Variants in LIPC observed in about 807,000 individuals in gnomAD.
LIPC encodes lipase C, hepatic type.
A neutral mutation model predicts 50.7 loss-of-function variants in LIPC; 44 were observed. That is an observed-to-expected ratio of 0.87 (90% CI 0.68 to 1.11). LIPC has a LOEUF of 1.11. LIPC is among the 50% of genes most tolerant of loss of function. The probability of loss-of-function intolerance (pLI) is 0.00; values close to 1 mark genes in which losing one functional copy is unlikely to be tolerated. For synonymous variants in LIPC, 271 were observed against 256.4 expected, an observed-to-expected ratio of 1.06 and a Z score of -0.54; for missense variants, 697 against 648.2, an observed-to-expected ratio of 1.08 and a Z score of -0.82.
intron 1 of LIPC, among the ~76,000 whole-genome samples, chr15:58,479,152 T>C (rs1891102120): frequency 6.6e-6 from 1 of 152,246 alleles, no homozygotes. Flanking sequence ...TAAGATGCAA[T>C]GTAGTTCTTC....
chr15:58,490,891 G>A (rs972991678), intron 1 of LIPC, among the ~76,000 whole-genome samples: 3 of 152,204 alleles, frequency 2.0e-5, no homozygotes, highest in Admixed American at 2.0e-4. Flanking sequence ...AGCCTGAGAA[G>A]TGTGGAGGAT....
chr15:58,552,743 T>A (rs1893810469), intron 6 of LIPC, among the ~76,000 whole-genome samples: 1 of 152,094 alleles, frequency 6.6e-6, no homozygotes, highest in African/African-American at 2.4e-5. Context: ...TCAGGGAGAG[T>A]TCCAGAAGAA....
intron 1 of LIPC, among the ~76,000 whole-genome samples, chr15:58,471,125 T>C (rs1156408626): frequency 6.6e-6 from 1 of 150,380 alleles, no homozygotes; most frequent in Non-Finnish European, 1.5e-5. Flanking sequence ...GATTTTTTTT[T>C]TCTTTTCTCT....
At chr15:58,552,056 G>A (rs1464939429) in intron 6 of LIPC, among the ~76,000 whole-genome samples, 1 of 152,178 alleles carries the variant, frequency 6.6e-6, no homozygotes, top group Non-Finnish European at 1.5e-5. Flanking sequence ...CAGTTTGGGA[G>A]CCTGTTTTTA....
chr15:58,535,351 T>A (rs75777567), intron 1 of LIPC, among the ~76,000 whole-genome samples: 18 of 152,328 alleles, frequency 1.2e-4, no homozygotes, highest in South Asian at 4.1e-4. Context: ...AGTGAATAAA[T>A]GAATGAGCAC....
In LIPC at chr15:58,432,099, C is replaced by T. The variant is rs145398861; in HGVS notation, c.67C>T (p.Leu23Phe). The T allele has an allele frequency of 1.1e-4, 180 of 1,613,624 alleles. 1 individual carries two copies. In the African/African-American group the frequency reaches 1.8e-3, roughly 16 times the overall value. The change falls in exon 1 of 9, where the codon CTT (leucine) becomes TTT (phenylalanine). Residue 23 changes from leucine (L) to phenylalanine (F), a missense_variant. Coordinates refer to ENST00000299022, the MANE Select transcript of LIPC (RefSeq NM_000236.3). ...ATGCATCTTTATCCAATCAAGTGCCCTTGGACAAAGCCTGAAACCAGGTAA... is the reference window on the plus strand; with the variant it reads ...ATGCATCTTTATCCAATCAAGTGCCTTTGGACAAAGCCTGAAACCAGGTAA... ...VLCIFIQSSA[L>F]GQSLKPEPFG...
intron 1 of LIPC, among the ~76,000 whole-genome samples, chr15:58,457,597 C>A (rs577064503): frequency 2.6e-5 from 4 of 152,340 alleles, no homozygotes; most frequent in South Asian, 2.1e-4. Context: ...CTGAATGGGA[C>A]CTTCAGATGC....
At chr15:58,523,828 G>A (rs1892724779) in intron 1 of LIPC, among the ~76,000 whole-genome samples, 1 of 152,096 alleles carries the variant, frequency 6.6e-6, no homozygotes, top group African/African-American at 2.4e-5. Flanking sequence ...CCAGCTACTT[G>A]AGAAGCTGAG....
rs192256770 is a variant in LIPC, at chr15:58,482,562, T to C, written c.88+50442T>C. Among the ~76,000 whole-genome samples, 81 of 152,250 alleles carry C rather than the reference T, an allele frequency of 5.3e-4. 1 individual carries two copies. Among genetic ancestry groups the C allele is most frequent in the African/African-American group, 1.6e-3 (66 of 41,538 alleles). ...TGTTATAAGGGTAAGAAACAGTCCA[T>C]GAAAAGCATATGGGTCACTTAGCCA... On this transcript the variant is annotated intron_variant, in intron 1 of 8. Transcript: ENST00000299022.
At chr15:58,451,234 G>A (rs998152367) in intron 1 of LIPC, among the ~76,000 whole-genome samples, 14 of 152,176 alleles carry the variant, frequency 9.2e-5, no homozygotes, top group South Asian at 2.1e-4. Context: ...GTGGAGGAAA[G>A]TCAACATATT....
At chr15:58,490,387 A>G (rs1891545643) in intron 1 of LIPC, among the ~76,000 whole-genome samples, 1 of 152,192 alleles carries the variant, frequency 6.6e-6, no homozygotes, top group Non-Finnish European at 1.5e-5. Context: ...TCCTCCGGCT[A>G]ATCTGAACAT....
chr15:58,499,841 G>C (rs1387265404), intron 1 of LIPC, among the ~76,000 whole-genome samples: 1 of 152,200 alleles, frequency 6.6e-6, no homozygotes, highest in Non-Finnish European at 1.5e-5. Flanking sequence ...CTGGGGAGGA[G>C]GTAAAGTGAT....
intron 1 of LIPC, among the ~76,000 whole-genome samples, chr15:58,470,298 T>C (rs1157884590): frequency 3.3e-5 from 5 of 152,184 alleles, no homozygotes; most frequent in African/African-American, 1.2e-4. Context: ...GGGTGTTTCC[T>C]ATGTACAAAA....
At chr15:58,547,508 G>A (rs1337867227) in intron 5 of LIPC, among the ~76,000 whole-genome samples, 2 of 152,136 alleles carry the variant, frequency 1.3e-5, no homozygotes, top group East Asian at 3.8e-4. Context: ...GACAACTGGG[G>A]AAATAGCTTT....
chr15:58,516,780 A>T (rs1160162455), intron 1 of LIPC, among the ~76,000 whole-genome samples: 1 of 152,190 alleles, frequency 6.6e-6, no homozygotes, highest in African/African-American at 2.4e-5. Context: ...GTTCTTGTGG[A>T]CTAATTTTAC....
At position 58,569,793 on chromosome 15, in the gene LIPC, G is replaced by A. The variant is rs1181094112; in HGVS notation, c.*966G>A. The A allele has an allele frequency of 1.3e-5, 2 of 156,776 alleles. No homozygotes were observed. 9.7% of individuals were successfully genotyped at this position (156,776 alleles called of 1,614,324 possible). A position where few individuals can be genotyped will look rare whatever the true frequency, so the allele number is the denominator to read the frequency against. On this transcript the variant is annotated 3_prime_UTR_variant, in exon 9 of 9. Coordinates refer to ENST00000299022, the MANE Select transcript of LIPC (RefSeq NM_000236.3). The stretch of plus-strand genomic sequence containing the variant: ...CCAGATCTGCTGGCACCTTTATCTT[G>A]GACTTCTCAGCTTCCAGAACTGTGA...
chr15:58,565,896 G>A (rs1308597091), intron 8 of LIPC: 1 of 964,788 alleles, frequency 1.0e-6, no homozygotes, highest in Non-Finnish European at 1.2e-6. Flanking sequence ...CACAGTGCCA[G>A]GTACTATCGG....
chr15:58,558,580 G>C (rs1452145809), intron 6 of LIPC, among the ~76,000 whole-genome samples: 1 of 152,230 alleles, frequency 6.6e-6, no homozygotes, highest in African/African-American at 2.4e-5. Flanking sequence ...CCACCTGTCA[G>C]AGCAGTGGCA....
chr15:58,542,881 G>A (rs1211105748), intron 4 of LIPC, among the ~76,000 whole-genome samples: 4 of 152,282 alleles, frequency 2.6e-5, no homozygotes, highest in Non-Finnish European at 5.9e-5. Context: ...GCCCTCAAAC[G>A]AATACCTCAT....
Sources: gnomAD v4.1 joint callset for allele counts (sites outside exome capture counted in the v4.1 genomes callset) on GRCh38, gnomAD v4.1.1 for gene constraint, MANE v1.5 for transcripts, NCBI Gene and HGNC (gene_info 2026-07-23, HGNC 2026-07-21) for gene names.